SLC35F4: variants seen among roughly 807,000 people sequenced by gnomAD.
SLC35F4 encodes chromosome 14 open reading frame 36.
A neutral mutation model predicts 44.2 loss-of-function variants in SLC35F4; 24 were observed. The ratio of observed to expected loss-of-function variants is 0.54; its 90% confidence interval spans 0.39 to 0.76. SLC35F4 has a LOEUF of 0.76. Ranked by LOEUF, SLC35F4 falls within the 30% of genes least tolerant of loss-of-function variation. SLC35F4 has a pLI of 0.00. For synonymous variants in SLC35F4, 238 were observed against 223.6 expected (o/e 1.06, Z -0.57); for missense variants, 562 against 586.1 (o/e 0.96, Z 0.42).
At chr14:57,666,003 A>G (rs1409033595) in intron 1 of SLC35F4, among the ~76,000 whole-genome samples, 1 of 152,214 alleles carries the variant, frequency 6.6e-6, no homozygotes, top group Non-Finnish European at 1.5e-5. Flanking sequence ...GGAGAGGATC[A>G]GAAAAAATCA....
intron 1 of SLC35F4, among the ~76,000 whole-genome samples, chr14:57,883,309 T>G (rs1888579520): frequency 6.6e-6 from 1 of 152,206 alleles, no homozygotes; most frequent in Non-Finnish European, 1.5e-5. Context: ...AACATCAGTT[T>G]AATATTTGCA....
chr14:57,968,712 G>C (rs992982311), intron 1 of SLC35F4, among the ~76,000 whole-genome samples: 1 of 152,104 alleles, frequency 6.6e-6, no homozygotes, highest in Non-Finnish European at 1.5e-5. Context: ...AGCAGGGCGT[G>C]GGGGGTGTTC....
At chr14:57,624,116 A>G (rs2072344801) in intron 1 of SLC35F4, among the ~76,000 whole-genome samples, 1 of 152,196 alleles carries the variant, frequency 6.6e-6, no homozygotes, top group African/African-American at 2.4e-5. Context: ...GATAAAGGGG[A>G]TATCACCACT....
At chr14:57,944,166 A>G (rs961928657) in intron 1 of SLC35F4, among the ~76,000 whole-genome samples, 3 of 152,224 alleles carry the variant, frequency 2.0e-5, no homozygotes, top group African/African-American at 4.8e-5. Flanking sequence ...AAGTCATTCC[A>G]GTATCGTCAA....
intron 1 of SLC35F4, among the ~76,000 whole-genome samples, chr14:57,928,491 G>T (rs77158762): frequency 1.3e-5 from 2 of 152,150 alleles, no homozygotes; most frequent in African/African-American, 2.4e-5. Flanking sequence ...CTTTTTCCTC[G>T]GGCATTAACT....
chr14:57,937,012 T>C (rs1889809019), intron 1 of SLC35F4, among the ~76,000 whole-genome samples: 1 of 152,064 alleles, frequency 6.6e-6, no homozygotes, highest in Admixed American at 6.5e-5. Context: ...ATTTAAAAAA[T>C]TGAGCTTTAG....
intron 3 of SLC35F4, among the ~76,000 whole-genome samples, chr14:57,585,944 T>C (rs191615073): frequency 1.1e-4 from 17 of 152,302 alleles, no homozygotes; most frequent in African/African-American, 3.6e-4. Context: ...CAAGCTATCA[T>C]TGACTTTCTT....
chr14:57,895,638 T>G (rs1202527765), intron 1 of SLC35F4, among the ~76,000 whole-genome samples: 1 of 151,920 alleles, frequency 6.6e-6, no homozygotes, highest in Non-Finnish European at 1.5e-5. Flanking sequence ...TGCTCTGCCA[T>G]GGCAATACAT....
At chr14:57,914,405 T>C (rs1284182770) in intron 1 of SLC35F4, among the ~76,000 whole-genome samples, 1 of 151,524 alleles carries the variant, frequency 6.6e-6, no homozygotes, top group Non-Finnish European at 1.5e-5. Context: ...CTACTAAAAA[T>C]ACAGAAAATA....
chr14:57,767,090 C>G (rs887260879), intron 1 of SLC35F4, among the ~76,000 whole-genome samples: 1 of 152,074 alleles, frequency 6.6e-6, no homozygotes, highest in African/African-American at 2.4e-5. Flanking sequence ...ATATATAAAA[C>G]AAACAGATGG....
At chr14:57,601,584 T>C (rs980608429) in intron 1 of SLC35F4, among the ~76,000 whole-genome samples, 2 of 152,214 alleles carry the variant, frequency 1.3e-5, no homozygotes, top group African/African-American at 2.4e-5. Flanking sequence ...TTTTAATTTC[T>C]AATTCATTTT....
At chr14:57,869,169 G>T (rs1305398610), upstream of SLC35F4, among the ~76,000 whole-genome samples, 1 of 150,962 alleles carries the variant, frequency 6.6e-6, no homozygotes, top group Non-Finnish European at 1.5e-5. Flanking sequence ...TACTAATTGA[G>T]TATACAATTA....
chr14:57,664,084 A>C (rs2074229478), intron 1 of SLC35F4, among the ~76,000 whole-genome samples: 1 of 152,160 alleles, frequency 6.6e-6, no homozygotes, highest in African/African-American at 2.4e-5. Context: ...TAATATCTTT[A>C]AACTAATAGG....
chr14:57,704,722 G>C (rs1003546271), intron 1 of SLC35F4, among the ~76,000 whole-genome samples: 1 of 152,174 alleles, frequency 6.6e-6, no homozygotes, highest in Non-Finnish European at 1.5e-5. Flanking sequence ...TTAGGCCTCT[G>C]TGCAAAGAAA....
chr14:57,674,200 A>G (rs1224248507), intron 1 of SLC35F4, among the ~76,000 whole-genome samples: 1 of 152,134 alleles, frequency 6.6e-6, no homozygotes, highest in African/African-American at 2.4e-5. Flanking sequence ...TAAAATAAAA[A>G]ATATGGGCAA....
intron 1 of SLC35F4, among the ~76,000 whole-genome samples, chr14:57,743,680 A>G (rs977593204): frequency 2.6e-5 from 4 of 152,194 alleles, no homozygotes; most frequent in Admixed American, 1.3e-4. Flanking sequence ...TTCTGAAACT[A>G]TTCCAATCAA....
intron 1 of SLC35F4, among the ~76,000 whole-genome samples, chr14:57,852,891 T>A (rs1886709536): frequency 6.6e-6 from 1 of 152,196 alleles, no homozygotes; most frequent in Non-Finnish European, 1.5e-5. Flanking sequence ...TCACAAGGCA[T>A]AAAGAATTCT....
intron 1 of SLC35F4, among the ~76,000 whole-genome samples, chr14:57,731,365 T>A (rs1246062906): frequency 1.3e-5 from 2 of 152,220 alleles, no homozygotes; most frequent in Non-Finnish European, 2.9e-5. Context: ...CAAACATTAT[T>A]TTCTAAAATT....
intron 1 of SLC35F4, among the ~76,000 whole-genome samples, chr14:57,742,959 C>A (rs2076653748): frequency 6.6e-6 from 1 of 152,184 alleles, no homozygotes; most frequent in Admixed American, 6.5e-5. Flanking sequence ...GAACAACCTG[C>A]TCCTGAATGA....
Sources: allele counts gnomAD v4.1 joint callset (sites outside exome capture counted in the v4.1 genomes callset), GRCh38; gene constraint gnomAD v4.1.1; transcripts MANE v1.5; gene names NCBI Gene and HGNC (gene_info 2026-07-23, HGNC 2026-07-21).